The following PTPRN2 variants were observed in gnomAD, a reference collection of about 807,000 sequenced individuals.
The protein encoded by PTPRN2 is protein tyrosine phosphatase receptor type N2, also known as receptor-type tyrosine-protein phosphatase N2.
Under a neutral mutation model 118.8 loss-of-function variants are expected in PTPRN2, and 74 were observed. The ratio of observed to expected loss-of-function variants is 0.62; its 90% CI spans 0.52 to 0.76. PTPRN2 has a LOEUF of 0.76. Ranked by LOEUF, PTPRN2 falls within the 30% of genes least tolerant of loss-of-function variation. PTPRN2 has a pLI of 0.00. For synonymous variants in PTPRN2, 641 were observed against 608.0 expected, an observed-to-expected ratio of 1.05 and a Z score of -0.80; for missense variants, 1,481 against 1,394.4, an observed-to-expected ratio of 1.06 and a Z score of -0.99.
At chr7:157,916,752 C>T (rs58371612) in intron 11 of PTPRN2, among the ~76,000 whole-genome samples, 12,187 of 146,136 alleles carry the variant, frequency 0.083, 931 homozygotes, top group African/African-American at 0.29. Flanking sequence ...GGGCTGGCCA[C>T]GCACCCCGGC....
At chr7:158,320,775 G>C (rs922234915) in intron 2 of PTPRN2, among the ~76,000 whole-genome samples, 1 of 152,190 alleles carries the variant, frequency 6.6e-6, no homozygotes, top group Non-Finnish European at 1.5e-5. Context: ...AATAAGGCTT[G>C]TTGAAGATGA....
chr7:158,329,208 C>T (rs533429991), intron 2 of PTPRN2, among the ~76,000 whole-genome samples: 1 of 152,176 alleles, frequency 6.6e-6, no homozygotes, highest in South Asian at 2.1e-4. Flanking sequence ...CAGGGGGAAG[C>T]GTGGCGGGTG....
Position 158,042,882 on chromosome 7 carries a change from G to T in PTPRN2, c.1723+38416C>A, listed in dbSNP as rs142533898. On this transcript the variant is annotated intron_variant, in intron 11 of 22. Transcript: ENST00000389418. The stretch of plus-strand genomic sequence containing the variant: ...CTGCCTCTGAATTTATTTGTATTAT[G>T]CTGTTTTCATAATTAAAAGAAAAGC... 4.3e-3 allele frequency among the ~76,000 whole-genome samples: 655 copies of T among 152,298 alleles called. 7 individuals are homozygous for T. The highest frequency in any genetic ancestry group is 0.015 in the African/African-American group (628 of 41,554).
At chr7:158,333,511 C>T (rs1432538781) in intron 2 of PTPRN2, among the ~76,000 whole-genome samples, 14 of 148,456 alleles carry the variant, frequency 9.4e-5, no homozygotes, top group African/African-American at 3.6e-4. Context: ...CACACCCACA[C>T]TCTCACCATA....
chr7:157,552,136 C>T (rs1046029597), intron 21 of PTPRN2, among the ~76,000 whole-genome samples: 6 of 151,584 alleles, frequency 4.0e-5, no homozygotes, highest in African/African-American at 4.9e-5. Flanking sequence ...TGACCACACA[C>T]CCCACAGCCA....
intron 12 of PTPRN2, among the ~76,000 whole-genome samples, chr7:157,691,204 C>T (rs1797481112): frequency 6.6e-6 from 1 of 151,814 alleles, no homozygotes; most frequent in African/African-American, 2.4e-5. Flanking sequence ...AGGGCCTTCG[C>T]CTTTTCTTTC....
intron 17 of PTPRN2, among the ~76,000 whole-genome samples, chr7:157,579,169 T>A (rs931683397): frequency 6.6e-6 from 1 of 152,242 alleles, no homozygotes; most frequent in African/African-American, 2.4e-5. Flanking sequence ...ACACGACATT[T>A]TCCTTTTTTA....
chr7:158,110,968 G>C, intron 9 of PTPRN2, 53 bp from the exon 10 acceptor site: 2 of 1,456,378 alleles, frequency 1.4e-6, no homozygotes, highest in Non-Finnish European at 1.9e-6. Flanking sequence ...AGCAGTCCTG[G>C]AGAACTAAAG....
rs184308940 is a variant in PTPRN2, at chr7:157,775,122, C to T, written c.1789-92185G>A. Reference sequence around the variant, plus strand: ...GAAGGAGAAACGTTTCATGAAAACGCGAACAGTCTCGGAACGCCTCACTCC... The same window carrying T: ...GAAGGAGAAACGTTTCATGAAAACGTGAACAGTCTCGGAACGCCTCACTCC... On this transcript the variant is annotated intron_variant, in intron 12 of 22. Coordinates refer to ENST00000389418, the MANE Select transcript of PTPRN2 (RefSeq NM_002847.5). Among the ~76,000 whole-genome samples, 192 of 152,308 alleles carry T rather than the reference C, an allele frequency of 1.3e-3. 1 individual carries two copies. The highest frequency in any genetic ancestry group is 1.9e-3 in the Non-Finnish European group (127 of 68,034).
chr7:158,096,026 A>G (rs1180045586), intron 10 of PTPRN2, among the ~76,000 whole-genome samples: 3 of 152,262 alleles, frequency 2.0e-5, no homozygotes, highest in Non-Finnish European at 2.9e-5. Flanking sequence ...AAAAGTCTAG[A>G]GAAAAGAATG....
intron 11 of PTPRN2, among the ~76,000 whole-genome samples, chr7:158,053,624 T>C (rs1410183155): frequency 6.6e-6 from 1 of 152,204 alleles, no homozygotes; most frequent in Non-Finnish European, 1.5e-5. Context: ...AAAGGAGATG[T>C]ATTTAAACAT....
intron 2 of PTPRN2, among the ~76,000 whole-genome samples, chr7:158,381,606 G>C (rs986026203): frequency 6.6e-6 from 1 of 152,120 alleles, no homozygotes; most frequent in Non-Finnish European, 1.5e-5. Flanking sequence ...CCTCCAAACT[G>C]TTCCAACCCC....
intron 2 of PTPRN2, among the ~76,000 whole-genome samples, chr7:158,395,303 G>C (rs1352224029): frequency 3.6e-4 from 49 of 136,714 alleles, no homozygotes; most frequent in South Asian, 7.3e-4. Context: ...AGGGGTGAGG[G>C]GCGAGGGGTG....
rs56710690 is a variant in PTPRN2, at chr7:158,178,589, CTTTTTTTTT to C, written c.550-11307_550-11299del. On this transcript the variant is annotated intron_variant, in intron 5 of 22. Coordinates refer to ENST00000389418, the MANE Select transcript of PTPRN2 (RefSeq NM_002847.5). ...TGTATATATATACTACATTTTCTTT[CTTTTTTTTT>C]TTTTTTTTTTTTTTTTTTAAGATGG... Among the ~76,000 whole-genome samples, 163 of 67,388 alleles carry C rather than the reference CTTTTTTTTT, an allele frequency of 2.4e-3. 2 individuals are homozygous for C. The highest frequency in any genetic ancestry group is 5.7e-3 in the African/African-American group (109 of 19,262). 44.2% of individuals were successfully genotyped at this position (67,388 alleles called of 152,430 possible).
rs138051104 is a variant in PTPRN2, at chr7:157,882,897, A to T, written c.1788+15776T>A. On this transcript the variant is annotated intron_variant, in intron 12 of 22. Coordinates refer to ENST00000389418, the MANE Select transcript of PTPRN2 (RefSeq NM_002847.5). ...ATCAGAACACACCACCCCAAAAATG[A>T]TTGTTGGAGATCAGAACATACCACC... is the stretch of plus-strand genomic sequence containing the variant. 2.0e-5 allele frequency among the ~76,000 whole-genome samples: 3 copies of T among 149,834 alleles called. No individual in the cohort carries two copies. In the East Asian group the frequency reaches 6.2e-4, roughly 31 times the overall value.
chr7:158,068,108 G>T (rs754163151), intron 11 of PTPRN2, among the ~76,000 whole-genome samples: 9 of 152,218 alleles, frequency 5.9e-5, no homozygotes, highest in Non-Finnish European at 1.3e-4. Flanking sequence ...GACTTGGTGG[G>T]GGTCCAGGCT....
Position 158,146,874 on chromosome 7 carries a change from T to A in PTPRN2, c.911-8359A>T, listed in dbSNP as rs180945788. 7.2e-5 allele frequency among the ~76,000 whole-genome samples: 11 copies of A among 151,878 alleles called. No homozygotes were observed. In the East Asian group the frequency reaches 1.6e-3, roughly 21 times the overall value. On this transcript the variant is annotated intron_variant, in intron 6 of 22. Coordinates refer to ENST00000389418, the MANE Select transcript of PTPRN2 (RefSeq NM_002847.5). ...CCAATGGATAGAACAAGCAAACAGT[T>A]TACAGGGAAAATACACCATTAAGAT...
intron 6 of PTPRN2, among the ~76,000 whole-genome samples, chr7:158,146,845 T>A (rs538436945): frequency 3.3e-5 from 5 of 152,076 alleles, no homozygotes; most frequent in South Asian, 4.2e-4. Flanking sequence ...CCAGAGAGAC[T>A]TGACCAATGG....
chr7:157,685,951 G>T (rs1346903011), intron 12 of PTPRN2, among the ~76,000 whole-genome samples: 3 of 152,126 alleles, frequency 2.0e-5, no homozygotes, highest in Admixed American at 2.0e-4. Context: ...TCCCCGCGCC[G>T]GTCCACAAGG....
Sources: allele counts gnomAD v4.1 joint callset (sites outside exome capture counted in the v4.1 genomes callset), GRCh38; gene constraint gnomAD v4.1.1; transcripts MANE v1.5; gene names NCBI Gene and HGNC (gene_info 2026-07-23, HGNC 2026-07-21).